SYT9: variants seen among roughly 807,000 people sequenced by gnomAD.
SYT9 encodes synaptotagmin 9, also known as synaptotagmin-9.
A neutral mutation model predicts 48.4 loss-of-function variants in SYT9; 22 were observed. That is an observed-to-expected ratio of 0.45 (90% confidence interval 0.32 to 0.65). SYT9 has a LOEUF of 0.65. Ranked by LOEUF, SYT9 falls within the 30% of genes least tolerant of loss-of-function variation. The probability of loss-of-function intolerance (pLI) is 0.03; values close to 1 mark genes in which losing one functional copy is unlikely to be tolerated. For synonymous variants in SYT9, 265 were observed against 245.0 expected, an observed-to-expected ratio of 1.08 and a Z score of -0.76; for missense variants, 577 against 622.0, an observed-to-expected ratio of 0.93 and a Z score of 0.77.
chr11:7,269,282 CATT>C (rs913978684), intron 1 of SYT9, among the ~76,000 whole-genome samples: 34 of 151,954 alleles, frequency 2.2e-4, no homozygotes, highest in African/African-American at 8.2e-4. Context: ...TGGGAAAAAA[CATT>C]ATATGCCTGC....
rs532458957 is a variant in SYT9, at chr11:7,417,597, A to C, written c.1166-360A>C. Among the ~76,000 whole-genome samples, 60 of 152,262 alleles carry C rather than the reference A, an allele frequency of 3.9e-4. 1 individual carries two copies. In the Middle Eastern group the frequency reaches 0.01, roughly 26 times the overall value. ...GAAAAGATTCCCTGAGGTGGCTCAG[A>C]GCTGGGGGGCCTGTTTTCAGCCTTG... On this transcript the variant is annotated intron_variant, in intron 4 of 6. Coordinates refer to ENST00000318881, the MANE Select transcript of SYT9 (RefSeq NM_175733.4).
At chr11:7,447,245 C>T (rs1847951383) in intron 6 of SYT9, among the ~76,000 whole-genome samples, 1 of 152,166 alleles carries the variant, frequency 6.6e-6, no homozygotes, top group Non-Finnish European at 1.5e-5. Flanking sequence ...TGGTACCTCA[C>T]CCCAATTCTC....
At chr11:7,309,586 G>C (rs1051696042) in intron 2 of SYT9, among the ~76,000 whole-genome samples, 1 of 152,190 alleles carries the variant, frequency 6.6e-6, no homozygotes, top group Non-Finnish European at 1.5e-5. Context: ...CACCTGGGGT[G>C]GGGGAGGCTC....
In SYT9 at chr11:7,252,240, G is replaced by A; in HGVS notation, c.54G>A (p.Glu18=). 6.6e-7 allele frequency: 1 copy of A among 1,504,050 alleles called. No individual in the cohort carries two copies. The allele number at this position is 1,504,050 out of a possible 1,614,324, so 93.2% of individuals were successfully genotyped here. ...ACCAGGCGCTGCAGCTGCTGGCCGAGCTCTGTGCCCGTGGGGCCCTGGAGC... is the reference window on the plus strand; with the variant it reads ...ACCAGGCGCTGCAGCTGCTGGCCGAACTCTGTGCCCGTGGGGCCCTGGAGC... ...LCHQALQLLA[E]LCARGALEHD... is the part of the protein sequence containing the mutation. Residue 18 remains glutamate (E), a synonymous_variant, in exon 1 of 7, where the codon GAG becomes GAA. Transcript: ENST00000318881. This position sits in a 1 kb window ranked among gnomAD's most constrained non-coding sequence, Gnocchi z 6.3.
chr11:7,267,553 A>G (rs985462285), intron 1 of SYT9, among the ~76,000 whole-genome samples: 3 of 151,986 alleles, frequency 2.0e-5, no homozygotes, highest in African/African-American at 7.2e-5. Context: ...AATTATAGAC[A>G]TTGAGAATAC....
intron 6 of SYT9, among the ~76,000 whole-genome samples, chr11:7,443,207 C>T (rs1433744231): frequency 3.9e-5 from 6 of 152,118 alleles, no homozygotes; most frequent in East Asian, 1.9e-4. Context: ...TATTTTAAAC[C>T]GAATATTTCT....
intron 1 of SYT9, among the ~76,000 whole-genome samples, chr11:7,290,002 G>A (rs1269879444): frequency 6.6e-6 from 1 of 152,156 alleles, no homozygotes; most frequent in Non-Finnish European, 1.5e-5. Flanking sequence ...ACTAATAGTC[G>A]AAACCTGACC....
intron 3 of SYT9, among the ~76,000 whole-genome samples, chr11:7,378,452 A>T (rs1850496566): frequency 6.6e-6 from 1 of 152,020 alleles, no homozygotes; most frequent in Admixed American, 6.6e-5. Context: ...TCAGAGACTG[A>T]AGGAAAAGAG....
At chr11:7,300,567 G>A (rs900319093) in intron 1 of SYT9, among the ~76,000 whole-genome samples, 1 of 152,212 alleles carries the variant, frequency 6.6e-6, no homozygotes, top group Non-Finnish European at 1.5e-5. Flanking sequence ...CCCTTCTCCA[G>A]CCTTTGCTGG....
rs764427462 is a variant in SYT9 at position 7,303,023 on chromosome 11, C to T, written c.146-16C>T. On this transcript the variant is annotated splice_polypyrimidine_tract_variant and intron_variant, in intron 1 of 6. Coordinates refer to ENST00000318881, the MANE Select transcript of SYT9 (RefSeq NM_175733.4). ...GGGAATGACCACACTGACCTTTGAT[C>T]TTTGCTTCTTTGCAGATATCTCAGT... 1.9e-6 allele frequency: 3 copies of T among 1,610,866 alleles called. No homozygotes were observed. In the East Asian group the frequency reaches 6.7e-5, roughly 36 times the overall value.
chr11:7,281,837 G>A (rs578149487), intron 1 of SYT9, among the ~76,000 whole-genome samples: 43 of 152,178 alleles, frequency 2.8e-4, no homozygotes, highest in African/African-American at 8.7e-4. Context: ...CTGTTTTCTC[G>A]CTGTTATGCT....
In SYT9 at chr11:7,361,236, T is replaced by A. The variant is rs1282184088; in HGVS notation, c.1044+47295T>A. On this transcript the variant is annotated intron_variant, in intron 3 of 6. Transcript: ENST00000318881. Reference sequence around the variant, plus strand: ...TTTTCCAACTTTTTGATGTGGTCTTTCATTGCATCTTGTGGGTCATCAGTT... The same window carrying A: ...TTTTCCAACTTTTTGATGTGGTCTTACATTGCATCTTGTGGGTCATCAGTT... Among the ~76,000 whole-genome samples, 12 of 152,288 alleles carry A rather than the reference T, an allele frequency of 7.9e-5. No individual in the cohort carries two copies. In the East Asian group the frequency reaches 1.9e-3, roughly 24 times the overall value.
intron 2 of SYT9, among the ~76,000 whole-genome samples, chr11:7,311,613 A>G (rs1849134855): frequency 6.6e-6 from 1 of 152,154 alleles, no homozygotes; most frequent in Non-Finnish European, 1.5e-5. Context: ...TGTAAACAGC[A>G]CCACTTACTA....
At chr11:7,391,747 A>AC (rs1846616757) in intron 3 of SYT9, among the ~76,000 whole-genome samples, 2 of 145,264 alleles carry the variant, frequency 1.4e-5, no homozygotes, top group Admixed American at 7.0e-5. Flanking sequence ...AAAAAAAAAA[A>AC]AAAAAAAAAA....
intron 3 of SYT9, among the ~76,000 whole-genome samples, chr11:7,373,474 T>C (rs1392806754): frequency 6.6e-6 from 1 of 152,166 alleles, no homozygotes; most frequent in South Asian, 2.1e-4. Flanking sequence ...GCTCCCTGTT[T>C]TACCTGCTCT....
intron 3 of SYT9, among the ~76,000 whole-genome samples, chr11:7,337,540 C>G (rs967964940): frequency 6.6e-6 from 1 of 152,110 alleles, no homozygotes; most frequent in East Asian, 1.9e-4. Flanking sequence ...TATGTTCCTT[C>G]AAGGCCTAGT....
rs531242988 is a variant in SYT9 at position 7,287,329 on chromosome 11, C to T, written c.146-15710C>T. 7.2e-5 allele frequency among the ~76,000 whole-genome samples: 11 copies of T among 152,326 alleles called. No individual in the cohort carries two copies. In the East Asian group the frequency reaches 2.1e-3, roughly 29 times the overall value. On this transcript the variant is annotated intron_variant, in intron 1 of 6. Coordinates refer to ENST00000318881, the MANE Select transcript of SYT9 (RefSeq NM_175733.4). ...GGTAACCACCCCCATGATTCAATTA[C>T]TTCCCACTGGGTCACTCCCATGATA...
intron 3 of SYT9, among the ~76,000 whole-genome samples, chr11:7,358,300 T>G (rs966616106): frequency 2.0e-5 from 3 of 152,138 alleles, no homozygotes. Context: ...GGCTGGTGAA[T>G]AAAAATGCTA....
chr11:7,252,678 G>T lies in SYT9; in HGVS notation c.145+347G>T, dbSNP rs920729118. Among the ~76,000 whole-genome samples, 1 of 152,244 alleles carries T rather than the reference G, an allele frequency of 6.6e-6. No individual in the cohort carries two copies. Among genetic ancestry groups the T allele is most frequent in the African/African-American group, 2.4e-5 (1 of 41,466 alleles). ...CTATCTGCACTCAGAGCGAGGGGAG[G>T]CCGCGGCGGCCTCGGAGCCGTGGGA... On this transcript the variant is annotated intron_variant, in intron 1 of 6. Transcript: ENST00000318881. This position sits in a 1 kb window ranked among gnomAD's most constrained non-coding sequence, Gnocchi z 6.3.
Sources: gnomAD v4.1 joint callset for allele counts (sites outside exome capture counted in the v4.1 genomes callset) on GRCh38, gnomAD v4.1.1 for gene constraint, Gnocchi (gnomAD v3.1) non-coding constraint, MANE v1.5 for transcripts, NCBI Gene and HGNC (gene_info 2026-07-23, HGNC 2026-07-21) for gene names.